Variants in STXBP5L observed in about 807,000 individuals in gnomAD.
The protein encoded by STXBP5L is syntaxin binding protein 5L.
STXBP5L carries 65 observed loss-of-function variants against 144.5 expected under a neutral mutation model. The ratio of observed to expected loss-of-function variants is 0.45; its 90% CI spans 0.37 to 0.55. STXBP5L has a LOEUF of 0.55. Among genes scored for constraint, STXBP5L ranks in the 20% least tolerant of loss-of-function variants. The probability of loss-of-function intolerance (pLI) is 0.00; values close to 1 mark genes in which losing one functional copy is unlikely to be tolerated. For synonymous variants in STXBP5L, 505 were observed against 469.6 expected, an observed-to-expected ratio of 1.08 and a Z score of -0.97; for missense variants, 1,298 against 1,405.5, an observed-to-expected ratio of 0.92 and a Z score of 1.22.
intron 3 of STXBP5L, among the ~76,000 whole-genome samples, chr3:120,975,419 C>T (rs1204981416): frequency 6.6e-6 from 1 of 152,174 alleles, no homozygotes; most frequent in Non-Finnish European, 1.5e-5. Context: ...GCTGAAGTTG[C>T]TTATCAGCTT....
intron 3 of STXBP5L, among the ~76,000 whole-genome samples, chr3:121,032,696 A>T (rs1946458510): frequency 9.2e-6 from 1 of 108,706 alleles, no homozygotes. Context: ...AATATCCAGA[A>T]TCTACAATGA....
intron 9 of STXBP5L, among the ~76,000 whole-genome samples, chr3:121,162,020 T>C (rs1408479030): frequency 3.3e-5 from 5 of 152,244 alleles, no homozygotes; most frequent in Admixed American, 6.5e-5. Context: ...AGGAAAACTA[T>C]TACATGTAAC....
chr3:121,245,025 A>G (rs2108347836), intron 14 of STXBP5L, among the ~76,000 whole-genome samples: 1 of 152,308 alleles, frequency 6.6e-6, no homozygotes, highest in Middle Eastern at 3.4e-3. Context: ...TTATAGACAA[A>G]TATAGAATAT....
chr3:121,126,049 A>G (rs1251208244), intron 7 of STXBP5L, among the ~76,000 whole-genome samples: 1 of 152,142 alleles, frequency 6.6e-6, no homozygotes, highest in Non-Finnish European at 1.5e-5. Context: ...TAGTAGAGTG[A>G]TAATGAATCA....
intron 10 of STXBP5L, among the ~76,000 whole-genome samples, chr3:121,210,336 T>C (rs2048509312): frequency 6.6e-6 from 1 of 152,182 alleles, no homozygotes; most frequent in Non-Finnish European, 1.5e-5. Context: ...ATTAGCCCTT[T>C]GTCAGATGAG....
At chr3:121,030,204 T>C (rs897993759) in intron 3 of STXBP5L, among the ~76,000 whole-genome samples, 4 of 152,188 alleles carry the variant, frequency 2.6e-5, no homozygotes, top group Non-Finnish European at 4.4e-5. Context: ...TTATAAATCA[T>C]GCTGCTATAA....
intron 22 of STXBP5L, among the ~76,000 whole-genome samples, chr3:121,388,381 C>A (rs1174117384): frequency 6.6e-6 from 1 of 152,156 alleles, no homozygotes; most frequent in Non-Finnish European, 1.5e-5. Context: ...TAATTGAATA[C>A]CCCCTATTTC....
intron 7 of STXBP5L, among the ~76,000 whole-genome samples, chr3:121,147,176 A>T (rs1165368277): frequency 1.3e-5 from 2 of 152,106 alleles, no homozygotes; most frequent in African/African-American, 4.8e-5. Context: ...TCAAGTGCTT[A>T]TAGAGTATTT....
chr3:121,418,267 T>C, intron 25 of STXBP5L, 70 bp from the exon 26 acceptor site: 2 of 1,488,158 alleles, frequency 1.3e-6, no homozygotes, highest in Non-Finnish European at 1.8e-6. Flanking sequence ...TAGTACTTTG[T>C]CTTGGTGACA....
At chr3:121,317,161 AGAAAT>A (rs2043814691) in intron 19 of STXBP5L, among the ~76,000 whole-genome samples, 1 of 152,252 alleles carries the variant, frequency 6.6e-6, no homozygotes. Context: ...GATTACAAAC[AGAAAT>A]TTAAAATTGG....
At chr3:121,182,565 A>T (rs1412933713) in intron 9 of STXBP5L, among the ~76,000 whole-genome samples, 1 of 152,202 alleles carries the variant, frequency 6.6e-6, no homozygotes, top group Admixed American at 6.5e-5. Flanking sequence ...TACATCAAAA[A>T]GTCTGAAAGA....
At position 121,061,838 on chromosome 3, in the gene STXBP5L, C is replaced by T. The variant is rs151030467; in HGVS notation, c.470+16303C>T. ...TTTGCTTGGTAAATGTTCCTCCATC[C>T]CTTTATTTTGAGCCTATGTGTGTCT... On this transcript the variant is annotated intron_variant, in intron 5 of 26. Transcript: ENST00000471454. Among the ~76,000 whole-genome samples, 644 of 152,172 alleles carry T rather than the reference C, an allele frequency of 4.2e-3. 4 individuals carry two copies. The highest frequency in any genetic ancestry group is 0.015 in the African/African-American group (613 of 41,532).
intron 5 of STXBP5L, among the ~76,000 whole-genome samples, chr3:121,111,987 C>T (rs1374237813): frequency 6.6e-6 from 1 of 152,148 alleles, no homozygotes; most frequent in African/African-American, 2.4e-5. Context: ...CAGGGTCCAG[C>T]TTAAAGAGGC....
At chr3:121,200,905 G>A (rs1191290) in intron 9 of STXBP5L, among the ~76,000 whole-genome samples, 119,725 of 152,096 alleles carry the variant, frequency 0.79, 47,343 homozygotes, top group East Asian at 0.93. Context: ...GTTTCCAATT[G>A]TGTGGTCAAT....
At chr3:121,319,590 A>G (rs894986696) in intron 20 of STXBP5L, among the ~76,000 whole-genome samples, 2 of 152,098 alleles carry the variant, frequency 1.3e-5, no homozygotes, top group African/African-American at 4.8e-5. Flanking sequence ...TTGCATTCTC[A>G]TTGACACCAA....
chr3:121,022,264 A>G (rs1428444804), intron 3 of STXBP5L, among the ~76,000 whole-genome samples: 5 of 152,134 alleles, frequency 3.3e-5, no homozygotes, highest in Admixed American at 6.5e-5. Context: ...ACAAGCAGCA[A>G]GATTGAAATT....
chr3:121,011,174 A>C (rs1304687818), intron 3 of STXBP5L, among the ~76,000 whole-genome samples: 2 of 150,950 alleles, frequency 1.3e-5, no homozygotes, highest in Non-Finnish European at 3.0e-5. Flanking sequence ...CCTTGAAACT[A>C]TCCCGGTAAC....
intron 5 of STXBP5L, among the ~76,000 whole-genome samples, chr3:121,064,163 T>G (rs1223379779): frequency 6.6e-6 from 1 of 152,192 alleles, no homozygotes; most frequent in Non-Finnish European, 1.5e-5. Flanking sequence ...GTGAAGACTG[T>G]GGAAAGTGTA....
chr3:120,975,728 A>G (rs929322657), intron 3 of STXBP5L, among the ~76,000 whole-genome samples: 2 of 152,124 alleles, frequency 1.3e-5, no homozygotes, highest in Admixed American at 6.6e-5. Flanking sequence ...ATCAATACCT[A>G]ATTTATTGAG....
Sources: gnomAD v4.1 joint callset for allele counts (sites outside exome capture counted in the v4.1 genomes callset) on GRCh38, gnomAD v4.1.1 for gene constraint, MANE v1.5 for transcripts, NCBI Gene and HGNC (gene_info 2026-07-23, HGNC 2026-07-21) for gene names.